NALF1: variants seen among roughly 807,000 people sequenced by gnomAD.
NALF1 encodes family with sequence similarity 155 member A.
In NALF1, 3 loss-of-function variants were observed where a neutral mutation model predicts 48.4. That is an observed-to-expected ratio of 0.06 (90% confidence interval 0.03 to 0.16). NALF1 has a LOEUF of 0.16. NALF1 is among the 10% of genes least tolerant of loss of function. NALF1 has a pLI of 1.00. For missense variants in NALF1, 526 were observed against 571.5 expected, an observed-to-expected ratio of 0.92 and a Z score of 0.81; for synonymous variants, 262 against 245.7, an observed-to-expected ratio of 1.07 and a Z score of -0.62.
chr13:107,580,134 C>A (rs950000668), intron 1 of NALF1, among the ~76,000 whole-genome samples: 1 of 152,060 alleles, frequency 6.6e-6, no homozygotes, highest in African/African-American at 2.4e-5. Context: ...ATGATGAGTT[C>A]ATGTCCTTTG....
intron 1 of NALF1, among the ~76,000 whole-genome samples, chr13:107,418,846 C>A (rs984283896): frequency 6.6e-6 from 1 of 152,084 alleles, no homozygotes; most frequent in African/African-American, 2.4e-5. Flanking sequence ...ATCACTTACA[C>A]GTACTCAAAA....
rs553034106 is a variant in NALF1 at position 107,470,945 on chromosome 13, A to T, written c.916-260190T>A. Among the ~76,000 whole-genome samples, 19 of 152,344 alleles carry T rather than the reference A, an allele frequency of 1.2e-4. No individual in the cohort carries two copies. In the South Asian group the frequency reaches 3.7e-3, roughly 30 times the overall value. On this transcript the variant is annotated intron_variant, in intron 1 of 2. Transcript: ENST00000375915. ...TTGTGTAAGTTTTGGCAATGAGTCT[A>T]GTTTGCTAAAATGAAGGCCAAAAAA...
intron 1 of NALF1, among the ~76,000 whole-genome samples, chr13:107,651,833 A>G (rs916567304): frequency 6.6e-6 from 1 of 152,186 alleles, no homozygotes; most frequent in Non-Finnish European, 1.5e-5. Context: ...AGACATCAGA[A>G]TAGAGGGAAG....
chr13:107,745,824 C>T lies in NALF1; in HGVS notation c.915+119858G>A, dbSNP rs1039139359. Among the ~76,000 whole-genome samples the T allele has an allele frequency of 3.9e-5, 6 of 152,244 alleles. No homozygotes were observed. The East Asian group carries it at 9.7e-4, about 25-fold the overall frequency. ...AATAGTGAGTGAGTTCTCATGAGATCTGATGGTCTTATAAGGGGCTTTTCC... is the reference window on the plus strand; with the variant it reads ...AATAGTGAGTGAGTTCTCATGAGATTTGATGGTCTTATAAGGGGCTTTTCC... On this transcript the variant is annotated intron_variant, in intron 1 of 2. Coordinates refer to ENST00000375915, the MANE Select transcript of NALF1 (RefSeq NM_001080396.3).
chr13:107,191,866 G>C, intron 2 of NALF1, among the ~76,000 whole-genome samples: 1 of 120,516 alleles, frequency 8.3e-6, no homozygotes, highest in Admixed American at 9.4e-5. Flanking sequence ...ATTTTTAGTA[G>C]AGACGGGGTT....
intron 1 of NALF1, among the ~76,000 whole-genome samples, chr13:107,553,052 A>G (rs564739588): frequency 1.6e-4 from 24 of 152,272 alleles, no homozygotes; most frequent in African/African-American, 5.8e-4. Flanking sequence ...AGCTCTCATA[A>G]ATATAAATAG....
chr13:107,603,926 T>C (rs1878998643), intron 1 of NALF1, among the ~76,000 whole-genome samples: 1 of 152,162 alleles, frequency 6.6e-6, no homozygotes, highest in Non-Finnish European at 1.5e-5. Context: ...TAGCAAGAGG[T>C]GACACATACC....
At chr13:107,723,168 G>C (rs556660435) in intron 1 of NALF1, among the ~76,000 whole-genome samples, 1 of 152,072 alleles carries the variant, frequency 6.6e-6, no homozygotes, top group East Asian at 1.9e-4. Flanking sequence ...GCGATTCCTG[G>C]GATACATGTT....
chr13:107,204,743 C>T (rs973550751), intron 2 of NALF1, among the ~76,000 whole-genome samples: 7 of 152,228 alleles, frequency 4.6e-5, no homozygotes, highest in East Asian at 1.9e-4. Flanking sequence ...GGCATACCAT[C>T]TCCCTTCCCG....
intron 1 of NALF1, among the ~76,000 whole-genome samples, chr13:107,544,425 A>C (rs1877080082): frequency 6.6e-6 from 1 of 152,222 alleles, no homozygotes; most frequent in Non-Finnish European, 1.5e-5. Flanking sequence ...ATTAAAAATA[A>C]AGAAAAACTG....
intron 1 of NALF1, among the ~76,000 whole-genome samples, chr13:107,474,707 G>C (rs1885152313): frequency 6.6e-6 from 1 of 152,134 alleles, no homozygotes; most frequent in Non-Finnish European, 1.5e-5. Context: ...AGATTTAATA[G>C]TTATGGGAGG....
chr13:107,639,283 C>G (rs1331866966), intron 1 of NALF1, among the ~76,000 whole-genome samples: 1 of 152,112 alleles, frequency 6.6e-6, no homozygotes, highest in Non-Finnish European at 1.5e-5. Flanking sequence ...GCCTGAAATA[C>G]AAGACCCTGC....
At chr13:107,448,875 C>T (rs569305778) in intron 1 of NALF1, among the ~76,000 whole-genome samples, 3 of 152,268 alleles carry the variant, frequency 2.0e-5, no homozygotes, top group Non-Finnish European at 4.4e-5. Context: ...GAGGAGCTGA[C>T]GGGACTTTTG....
chr13:107,798,523 A>G (rs945298854), intron 1 of NALF1, among the ~76,000 whole-genome samples: 1 of 152,050 alleles, frequency 6.6e-6, no homozygotes, highest in Non-Finnish European at 1.5e-5. Context: ...TTTCCCTATC[A>G]TCTTATATAT....
At chr13:107,253,228 T>C (rs1880740494) in intron 1 of NALF1, among the ~76,000 whole-genome samples, 1 of 151,978 alleles carries the variant, frequency 6.6e-6, no homozygotes, top group African/African-American at 2.4e-5. Flanking sequence ...TTATATACTT[T>C]CAGAGTTATT....
intron 1 of NALF1, among the ~76,000 whole-genome samples, chr13:107,352,375 T>C (rs1882893335): frequency 6.6e-6 from 1 of 152,210 alleles, no homozygotes; most frequent in South Asian, 2.1e-4. Context: ...TAGGATTTTA[T>C]TGTTATTTCT....
At chr13:107,732,818 G>A (rs1247067553) in intron 1 of NALF1, among the ~76,000 whole-genome samples, 4 of 152,132 alleles carry the variant, frequency 2.6e-5, no homozygotes, top group Non-Finnish European at 4.4e-5. Context: ...CATAATATAT[G>A]CAACAGGTCC....
chr13:107,261,198 C>A (rs1161750784), intron 1 of NALF1, among the ~76,000 whole-genome samples: 2 of 152,174 alleles, frequency 1.3e-5, no homozygotes, highest in African/African-American at 4.8e-5. Flanking sequence ...CTGAGGTTCC[C>A]AGGGGAAGGA....
At chr13:107,682,181 C>T (rs918634941) in intron 1 of NALF1, among the ~76,000 whole-genome samples, 1 of 152,222 alleles carries the variant, frequency 6.6e-6, no homozygotes, top group Non-Finnish European at 1.5e-5. Context: ...TCCTCTAACC[C>T]TCTAACAACT....
Sources: allele counts gnomAD v4.1 joint callset (sites outside exome capture counted in the v4.1 genomes callset), GRCh38; gene constraint gnomAD v4.1.1; transcripts MANE v1.5; gene names NCBI Gene and HGNC (gene_info 2026-07-23, HGNC 2026-07-21).